HNF4A: variants seen among roughly 807,000 people sequenced by gnomAD.
HNF4A encodes hepatocyte nuclear factor 4-alpha.
In HNF4A, 15 loss-of-function variants were observed where a neutral mutation model predicts 52.4. The ratio of observed to expected loss-of-function variants is 0.29; its 90% CI spans 0.19 to 0.44. HNF4A has a LOEUF of 0.44. HNF4A is among the 20% of genes least tolerant of loss of function. HNF4A has a pLI of 1.00. For missense variants in HNF4A, 479 were observed against 647.2 expected (o/e 0.74, Z 2.82); for synonymous variants, 280 against 264.4 (o/e 1.06, Z -0.57).
intron 7 of HNF4A, among the ~76,000 whole-genome samples, chr20:44,422,269 G>C (rs377144878): frequency 6.6e-6 from 1 of 152,102 alleles, no homozygotes; most frequent in Non-Finnish European, 1.5e-5. Context: ...TGCTCAACAC[G>C]AGGCTGGACT....
rs1170575716 is a variant in HNF4A, at chr20:44,388,375, CCCCCCA to C, written c.50-17677_50-17672del. On this transcript the variant is annotated intron_variant, in intron 1 of 9. Coordinates refer to the HNF4A transcript ENST00000316673. ...AAGCCTGGAACCTTCCTCAAAGACC[CCCCCCA>C]CCCCCGTACATTGGAACAAGGTGCT... 6.1e-5 allele frequency among the ~76,000 whole-genome samples: 7 copies of C among 114,666 alleles called. 2 individuals are homozygous for C. In the South Asian group the frequency reaches 2.2e-3, roughly 36 times the overall value. 75.2% of individuals were successfully genotyped at this position (114,666 alleles called of 152,430 possible).
At chr20:44,356,186 C>T (rs575498279) in intron 1 of HNF4A, among the ~76,000 whole-genome samples, 3 of 152,274 alleles carry the variant, frequency 2.0e-5, no homozygotes, top group East Asian at 3.9e-4. Flanking sequence ...CGTCCTGTTT[C>T]GATGCGGGGC....
intron 7 of HNF4A, among the ~76,000 whole-genome samples, chr20:44,421,146 C>T (rs1482066576): frequency 6.6e-6 from 1 of 152,014 alleles, no homozygotes; most frequent in African/African-American, 2.4e-5. Flanking sequence ...GTGCTTTTAT[C>T]TTTCCTTTCT....
intron 1 of HNF4A, among the ~76,000 whole-genome samples, chr20:44,360,401 G>T (rs1405504641): frequency 6.6e-6 from 1 of 152,086 alleles, no homozygotes; most frequent in East Asian, 1.9e-4. Context: ...GATGTTATGG[G>T]TGGATGGTTG....
rs1254869321 is a variant in HNF4A at position 44,432,063 on chromosome 20, A to G, written c.*2398A>G. 6.6e-6 allele frequency: 1 copy of G among 152,166 alleles called. No individual in the cohort carries two copies. Among genetic ancestry groups the G allele is most frequent in the Non-Finnish European group, 1.5e-5 (1 of 68,058 alleles). The allele number at this position is 152,166 out of a possible 1,614,324, so 9.4% of individuals were successfully genotyped here. Reference sequence around the variant, plus strand: ...GGAACCATTTCTGGGCATTGTGGTCATTCCCACTGTGTTCCTCCACCTCCT... The same window carrying G: ...GGAACCATTTCTGGGCATTGTGGTCGTTCCCACTGTGTTCCTCCACCTCCT... On this transcript the variant is annotated 3_prime_UTR_variant, in exon 10 of 10. Transcript: ENST00000316099.
chr20:44,411,146 C>T (rs76964581), intron 3 of HNF4A, among the ~76,000 whole-genome samples: 6,089 of 152,190 alleles, frequency 0.04, 432 homozygotes, highest in African/African-American at 0.14. Flanking sequence ...GCCCAGAAAG[C>T]GGACCCAGAG....
Position 44,429,707 on chromosome 20 carries a change from C to A in HNF4A, c.*42C>A. 1 of 1,602,200 alleles carries A rather than the reference C, an allele frequency of 6.2e-7. No homozygotes were observed. The highest frequency in any genetic ancestry group is 8.5e-7 in the Non-Finnish European group (1 of 1,169,836). On this transcript the variant is annotated 3_prime_UTR_variant, in exon 10 of 10. Transcript: ENST00000316099. ...GGGGGCTCCACTGGCTCCCCCCAGC[C>A]CCCTAAGAGAGCACCTGGTGATCAC... is the stretch of plus-strand genomic sequence containing the variant.
At chr20:44,413,554 TC>T in intron 3 of HNF4A, 139 bp from the exon 4 acceptor site, 1 of 708,446 alleles carries the variant, frequency 1.4e-6, no homozygotes, top group Non-Finnish European at 2.6e-6. Flanking sequence ...AGAGGCCATC[TC>T]CCCTCATTCC....
At chr20:44,421,809 T>C (rs910878536) in intron 7 of HNF4A, among the ~76,000 whole-genome samples, 1 of 146,798 alleles carries the variant, frequency 6.8e-6, no homozygotes, top group African/African-American at 2.5e-5. Flanking sequence ...ATATATAATA[T>C]ATAGTGATAT....
chr20:44,431,684 C>T lies in HNF4A; in HGVS notation c.*2019C>T, dbSNP rs1444936747. The stretch of plus-strand genomic sequence containing the variant: ...GGAAAATGCCACTGACCAGTGTGAA[C>T]AAAAGGGATGTGTTATGGGGCTGGA... On this transcript the variant is annotated 3_prime_UTR_variant, in exon 10 of 10. Coordinates refer to ENST00000316099, the MANE Select transcript of HNF4A (RefSeq NM_000457.6). 1 of 152,140 alleles carries T rather than the reference C, an allele frequency of 6.6e-6. No homozygotes were observed. Among genetic ancestry groups the T allele is most frequent in the Non-Finnish European group, 1.5e-5 (1 of 68,086 alleles). The allele number at this position is 152,140 out of a possible 1,614,324, so 9.4% of individuals were successfully genotyped here.
At chr20:44,394,417 A>C (rs1217271890) in intron 1 of HNF4A, among the ~76,000 whole-genome samples, 1 of 152,150 alleles carries the variant, frequency 6.6e-6, no homozygotes, top group Admixed American at 6.5e-5. Context: ...GACTACATGT[A>C]AAAGGGAGTC....
intron 1 of HNF4A, among the ~76,000 whole-genome samples, chr20:44,361,643 A>G (rs2062917906): frequency 6.6e-6 from 1 of 152,068 alleles, no homozygotes; most frequent in African/African-American, 2.4e-5. Flanking sequence ...ACGCCACTGC[A>G]CTCTAGCCTG....
In HNF4A at chr20:44,429,844, C is replaced by T. The variant is rs375531386; in HGVS notation, c.*179C>T. On this transcript the variant is annotated 3_prime_UTR_variant, in exon 10 of 10. Coordinates refer to ENST00000316099, the MANE Select transcript of HNF4A (RefSeq NM_000457.6). ...GGCCACATCCCACTGCCACCCTTGACGCCCTGCTCTGGATAACAAGACTTT... is the reference window on the plus strand; with the variant it reads ...GGCCACATCCCACTGCCACCCTTGATGCCCTGCTCTGGATAACAAGACTTT... 1.5e-4 allele frequency: 98 copies of T among 643,822 alleles called. No individual in the cohort carries two copies. The highest frequency in any genetic ancestry group is 8.5e-4 in the Middle Eastern group (2 of 2,354). 39.9% of individuals were successfully genotyped at this position (643,822 alleles called of 1,614,324 possible).
At chr20:44,414,718 G>A in intron 5 of HNF4A, 56 bp downstream of exon 5, 5 of 1,540,552 alleles carry the variant, frequency 3.2e-6, no homozygotes, top group Admixed American at 3.9e-5. Context: ...GCAGCCAGGG[G>A]GCTGCTGGCC....
chr20:44,390,268 GT>G (rs1174313862), intron 1 of HNF4A, among the ~76,000 whole-genome samples: 2 of 152,126 alleles, frequency 1.3e-5, no homozygotes, highest in Admixed American at 6.5e-5. Context: ...ATATGGCTCT[GT>G]CCAGTTGAGC....
chr20:44,404,565 T>C (rs1227675742), intron 1 of HNF4A, among the ~76,000 whole-genome samples: 3 of 151,400 alleles, frequency 2.0e-5, no homozygotes, highest in Admixed American at 2.0e-4. Context: ...GTGTGGACTG[T>C]ATGTGTGCAC....
At chr20:44,362,155 C>T (rs935469742) in intron 1 of HNF4A, among the ~76,000 whole-genome samples, 1 of 151,860 alleles carries the variant, frequency 6.6e-6, no homozygotes, top group East Asian at 1.9e-4. Flanking sequence ...TTGTGGATTA[C>T]ACGCCTGTAA....
intron 1 of HNF4A, among the ~76,000 whole-genome samples, chr20:44,376,360 A>T (rs1262524683): frequency 2.0e-5 from 3 of 152,190 alleles, no homozygotes; most frequent in Non-Finnish European, 4.4e-5. Context: ...ATGATTTTTA[A>T]AATTATACTA....
rs762312899 is a variant in HNF4A at position 44,418,440 on chromosome 20, G to T, written c.664G>T (p.Ala222Ser). The change falls in exon 6 of 10, where the codon GCC becomes TCC. Residue 222 changes from alanine (A) to serine (S), a missense_variant. By Grantham distance (99) the Ala-to-Ser change is moderately conservative (BLOSUM62 1). Transcript: ENST00000316099. ...TCTCTTTCAGGTGGCCCTGCTCAGAGCCCATGCTGGCGAGCACCTGCTGCT... is the reference window on the plus strand; with the variant it reads ...TCTCTTTCAGGTGGCCCTGCTCAGATCCCATGCTGGCGAGCACCTGCTGCT... The T allele has an allele frequency of 1.2e-6, 2 of 1,613,984 alleles. No individual in the cohort carries two copies. The highest frequency in any genetic ancestry group is 3.3e-5 in the Admixed American group (2 of 60,030).
Sources: allele counts gnomAD v4.1 joint callset (sites outside exome capture counted in the v4.1 genomes callset), GRCh38; gene constraint gnomAD v4.1.1; transcripts MANE v1.5; gene names NCBI Gene and HGNC (gene_info 2026-07-23, HGNC 2026-07-21).